The following NEGR1 variants were observed in gnomAD, a reference collection of about 807,000 sequenced individuals.
NEGR1 encodes IgLON family member 4.
Under a neutral mutation model 40.9 loss-of-function variants are expected in NEGR1, and 10 were observed. The ratio of observed to expected loss-of-function variants is 0.24; its 90% CI spans 0.15 to 0.42. NEGR1 has a LOEUF of 0.42. Among genes scored for constraint, NEGR1 ranks in the 10% least tolerant of loss-of-function variants. The pLI is 1.00. For missense variants in NEGR1, 352 were observed against 438.9 expected (o/e 0.80, Z 1.77); for synonymous variants, 185 against 166.8 (o/e 1.11, Z -0.84).
At chr1:72,268,969 C>A (rs1185716170) in intron 1 of NEGR1, among the ~76,000 whole-genome samples, 1 of 151,362 alleles carries the variant, frequency 6.6e-6, no homozygotes, top group Non-Finnish European at 1.5e-5. Context: ...GCAGCCACAG[C>A]CATCATAAAA....
intron 6 of NEGR1, among the ~76,000 whole-genome samples, chr1:71,577,924 G>C (rs1453016440): frequency 6.6e-6 from 1 of 151,878 alleles, no homozygotes; most frequent in African/African-American, 2.4e-5. Context: ...TTTTTTCCCA[G>C]TACTGATACA....
intron 6 of NEGR1, among the ~76,000 whole-genome samples, chr1:71,591,208 A>T (rs1649487035): frequency 6.6e-6 from 1 of 152,154 alleles, no homozygotes; most frequent in Non-Finnish European, 1.5e-5. Context: ...ATAGCACCTC[A>T]GCATACAGCA....
intron 4 of NEGR1, among the ~76,000 whole-genome samples, chr1:71,682,829 A>G (rs1652885267): frequency 6.6e-6 from 1 of 152,128 alleles, no homozygotes; most frequent in Non-Finnish European, 1.5e-5. Context: ...ATTAGTTATC[A>G]GGATAACTGA....
At chr1:71,916,294 T>G (rs1661579939) in intron 2 of NEGR1, among the ~76,000 whole-genome samples, 1 of 152,090 alleles carries the variant, frequency 6.6e-6, no homozygotes, top group South Asian at 2.1e-4. Flanking sequence ...GTATGATGAG[T>G]CTTATCAGAA....
At chr1:71,560,661 A>C (rs982125745) in intron 6 of NEGR1, among the ~76,000 whole-genome samples, 28 of 151,016 alleles carry the variant, frequency 1.9e-4, no homozygotes, top group Non-Finnish European at 3.4e-4. Flanking sequence ...TTAGCTCTCA[A>C]AAAACATTTT....
intron 3 of NEGR1, among the ~76,000 whole-genome samples, chr1:71,737,160 T>C (rs1655064393): frequency 6.6e-6 from 1 of 152,178 alleles, no homozygotes. Flanking sequence ...AAAGAAATCC[T>C]TTTGATTTTT....
chr1:71,552,668 T>C (rs1490366340), intron 6 of NEGR1, among the ~76,000 whole-genome samples: 2 of 150,696 alleles, frequency 1.3e-5, no homozygotes, highest in African/African-American at 4.9e-5. Flanking sequence ...TAGTATTGTA[T>C]ATATGACATT....
chr1:72,186,568 A>G (rs1434796095), intron 1 of NEGR1, among the ~76,000 whole-genome samples: 2 of 151,640 alleles, frequency 1.3e-5, no homozygotes, highest in Non-Finnish European at 3.0e-5. Flanking sequence ...AAAAGCTGAC[A>G]TAACTTCATA....
intron 1 of NEGR1, among the ~76,000 whole-genome samples, chr1:72,094,511 T>C (rs1356107997): frequency 6.6e-6 from 1 of 152,148 alleles, no homozygotes; most frequent in Non-Finnish European, 1.5e-5. Context: ...CAAAAACAAC[T>C]GCAGATGGAT....
At chr1:71,452,161 T>C (rs1042017180) in intron 6 of NEGR1, among the ~76,000 whole-genome samples, 3 of 152,168 alleles carry the variant, frequency 2.0e-5, no homozygotes, top group African/African-American at 7.2e-5. Context: ...TATCCATTCA[T>C]GATTGCCATT....
chr1:71,616,791 A>C (rs1267539354), intron 4 of NEGR1, among the ~76,000 whole-genome samples: 2 of 152,168 alleles, frequency 1.3e-5, no homozygotes, highest in African/African-American at 4.8e-5. Context: ...ATGAGTAAAA[A>C]CCAAACATCA....
At chr1:72,198,751 G>A (rs1023769131) in intron 1 of NEGR1, among the ~76,000 whole-genome samples, 1 of 151,906 alleles carries the variant, frequency 6.6e-6, no homozygotes, top group Middle Eastern at 3.2e-3. Context: ...GGGTCAGCAA[G>A]AGTAACAGAG....
chr1:71,596,061 A>AGG (rs1649701215), intron 5 of NEGR1, among the ~76,000 whole-genome samples: 2 of 115,388 alleles, frequency 1.7e-5, no homozygotes, highest in South Asian at 5.6e-4. Context: ...AAAAAAAAAA[A>AGG]AAAGAGAAAC....
rs537527590 is a variant in NEGR1, at chr1:71,877,382, G to A, written c.409+57697C>T. Among the ~76,000 whole-genome samples the A allele has an allele frequency of 9.7e-4, 147 of 152,256 alleles. 1 individual carries two copies. In the Middle Eastern group the frequency reaches 0.017, roughly 18 times the overall value. ...TCATAGTTCTGAAGGGTGGAAGTCTGAGATCAAGGCGTGGGCAGGTTTGGT... is the reference window on the plus strand; with the variant it reads ...TCATAGTTCTGAAGGGTGGAAGTCTAAGATCAAGGCGTGGGCAGGTTTGGT... On this transcript the variant is annotated intron_variant, in intron 2 of 6. Transcript: ENST00000357731.
intron 1 of NEGR1, among the ~76,000 whole-genome samples, chr1:72,068,718 A>G (rs1461259962): frequency 6.6e-5 from 10 of 152,168 alleles, no homozygotes; most frequent in Non-Finnish European, 1.5e-4. Context: ...ATAATAGAGT[A>G]CCAGCTATGT....
At chr1:72,065,964 T>C (rs1321637202) in intron 1 of NEGR1, among the ~76,000 whole-genome samples, 1 of 152,094 alleles carries the variant, frequency 6.6e-6, no homozygotes, top group Non-Finnish European at 1.5e-5. Context: ...AAAGAGTCCA[T>C]ACATTTAACC....
chr1:72,125,397 A>G (rs933630580), intron 1 of NEGR1, among the ~76,000 whole-genome samples: 22 of 152,094 alleles, frequency 1.4e-4, no homozygotes, highest in Admixed American at 1.4e-3. Context: ...ATAACACTCT[A>G]TCATTACTTA....
chr1:72,055,479 A>G (rs999340233), intron 1 of NEGR1, among the ~76,000 whole-genome samples: 1 of 151,038 alleles, frequency 6.6e-6, no homozygotes, highest in Non-Finnish European at 1.5e-5. Flanking sequence ...GACCTTTTGG[A>G]GATAAAGTGT....
At chr1:72,165,064 T>C (rs114822272) in intron 1 of NEGR1, among the ~76,000 whole-genome samples, 158 of 152,184 alleles carry the variant, frequency 1.0e-3, no homozygotes, top group African/African-American at 3.7e-3. Flanking sequence ...TAGTTCATTA[T>C]GTTGGATCTA....
Sources: gnomAD v4.1 joint callset for allele counts (sites outside exome capture counted in the v4.1 genomes callset) on GRCh38, gnomAD v4.1.1 for gene constraint, MANE v1.5 for transcripts, NCBI Gene and HGNC (gene_info 2026-07-23, HGNC 2026-07-21) for gene names.